PHACTR1: variants seen among roughly 807,000 people sequenced by gnomAD.
PHACTR1 encodes phosphatase and actin regulator 1, also known as RPEL repeat containing 1.
Under a neutral mutation model 69.2 loss-of-function variants are expected in PHACTR1, and 16 were observed. The observed-to-expected ratio is 0.23, with a 90% CI of 0.16 to 0.35. The LOEUF (loss-of-function observed/expected upper bound fraction) is 0.35, where lower values mean the gene tolerates loss of function less well. Among genes scored for constraint, PHACTR1 ranks in the 10% least tolerant of loss-of-function variants. PHACTR1 has a pLI of 1.00. For missense variants in PHACTR1, 510 were observed against 734.7 expected (o/e 0.69, Z 3.54); for synonymous variants, 312 against 284.5 (o/e 1.10, Z -0.97).
At chr6:13,141,828 G>GT (rs541976560) in intron 5 of PHACTR1, among the ~76,000 whole-genome samples, 195 of 139,178 alleles carry the variant, frequency 1.4e-3, no homozygotes, top group Middle Eastern at 0.014. Context: ...TTCTGGGATT[G>GT]TTTTTTTCCA....
At chr6:13,093,041 G>T (rs1813542680) in intron 5 of PHACTR1, among the ~76,000 whole-genome samples, 1 of 152,218 alleles carries the variant, frequency 6.6e-6, no homozygotes, top group East Asian at 1.9e-4. Context: ...GTTTGTGTCT[G>T]TCAGTGACAA....
chr6:12,816,125 G>A (rs2127703070), intron 4 of PHACTR1, among the ~76,000 whole-genome samples: 1 of 152,280 alleles, frequency 6.6e-6, no homozygotes, highest in East Asian at 1.9e-4. Flanking sequence ...AAATGGCTCT[G>A]GATTGGAACT....
At chr6:13,165,288 A>G (rs1292330813) in intron 6 of PHACTR1, among the ~76,000 whole-genome samples, 2 of 152,262 alleles carry the variant, frequency 1.3e-5, no homozygotes, top group Non-Finnish European at 2.9e-5. Context: ...AAAATAATCT[A>G]TAGTTCGACA....
intron 10 of PHACTR1, among the ~76,000 whole-genome samples, chr6:13,260,509 G>A (rs962491211): frequency 6.6e-6 from 1 of 152,132 alleles, no homozygotes; most frequent in Non-Finnish European, 1.5e-5. Flanking sequence ...CTTCTCCTCT[G>A]CCCCTTCTTA....
At chr6:13,227,655 G>A (rs944467999) in intron 8 of PHACTR1, among the ~76,000 whole-genome samples, 161 bp from the exon 9 acceptor site, 3 of 152,268 alleles carry the variant, frequency 2.0e-5, no homozygotes, top group Admixed American at 6.5e-5. Context: ...ACACCGTGCC[G>A]TCTTAAAGTG....
rs80048929 is a variant in PHACTR1, at chr6:12,865,119, C to T, written c.250+115329C>T. 6.6e-5 allele frequency among the ~76,000 whole-genome samples: 10 copies of T among 152,230 alleles called. No individual in the cohort carries two copies. The East Asian group carries it at 1.9e-3, about 29-fold the overall frequency. ...CCCCAACTTTTAAAATGGGAAGTTC[C>T]TCATCCCAGGAAAACCCCCAGTCCC... On this transcript the variant is annotated intron_variant, in intron 4 of 14. Coordinates refer to ENST00000332995, the MANE Select transcript of PHACTR1 (RefSeq NM_030948.6).
In PHACTR1 at chr6:13,181,369, C is replaced by G. The variant is rs370839682; in HGVS notation, c.497-1150C>G. ...TGTCATCTTGCTTCTGGTTTTAAGT[C>G]GGATAATTGCTCTGCTGGTTTCTGT... On this transcript the variant is annotated intron_variant, in intron 6 of 14. Transcript: ENST00000332995. Among the ~76,000 whole-genome samples the G allele has an allele frequency of 6.6e-5, 10 of 152,274 alleles. No homozygotes were observed. In the East Asian group the frequency reaches 1.3e-3, roughly 21 times the overall value.
intron 3 of PHACTR1, among the ~76,000 whole-genome samples, chr6:12,737,398 TACACACAC>T (rs3071780): frequency 2.7e-5 from 4 of 149,376 alleles, no homozygotes; most frequent in African/African-American, 4.9e-5. Flanking sequence ...TATTGTTTTA[TACACACAC>T]ACACACACAC....
intron 5 of PHACTR1, among the ~76,000 whole-genome samples, chr6:13,107,818 A>T (rs950433207): frequency 2.6e-5 from 4 of 152,256 alleles, no homozygotes; most frequent in African/African-American, 9.6e-5. Flanking sequence ...TTTCAAAGAC[A>T]CACCCTTTAG....
At chr6:12,960,100 AC>A (rs552577839) in intron 4 of PHACTR1, among the ~76,000 whole-genome samples, 35 of 152,202 alleles carry the variant, frequency 2.3e-4, no homozygotes, top group South Asian at 1.4e-3. Flanking sequence ...CAATTCTGCT[AC>A]CTTTTCAGTG....
intron 5 of PHACTR1, among the ~76,000 whole-genome samples, chr6:13,100,146 T>TA (rs1814916934): frequency 6.6e-6 from 1 of 152,132 alleles, no homozygotes; most frequent in Non-Finnish European, 1.5e-5. Flanking sequence ...AATCAAAAGA[T>TA]AGATTCACAA....
chr6:12,829,656 A>G (rs1358481561), intron 4 of PHACTR1, among the ~76,000 whole-genome samples: 1 of 152,010 alleles, frequency 6.6e-6, no homozygotes, highest in Admixed American at 6.6e-5. Context: ...TGAAGAAAAG[A>G]TAATAAAAGA....
Position 13,009,411 on chromosome 6 carries a change from C to A in PHACTR1, c.251-43954C>A, listed in dbSNP as rs59715377. On this transcript the variant is annotated intron_variant, in intron 4 of 14. Coordinates refer to ENST00000332995, the MANE Select transcript of PHACTR1 (RefSeq NM_030948.6). ...AGGAAAAGAAGATTTTTATAAAAAT[C>A]TTTTCTTACATTAAATATGTATAGT... is the stretch of plus-strand genomic sequence containing the variant. 1.1e-3 allele frequency among the ~76,000 whole-genome samples: 167 copies of A among 152,192 alleles called. 3 individuals carry two copies. In the East Asian group the frequency reaches 0.03, roughly 27 times the overall value.
rs149131229 is a variant in PHACTR1, at chr6:12,795,934, C to A, written c.250+46144C>A. On this transcript the variant is annotated intron_variant, in intron 4 of 14. Coordinates refer to ENST00000332995, the MANE Select transcript of PHACTR1 (RefSeq NM_030948.6). ...AATTTCTTAAAGACCCTTGGCCTTT[C>A]AGTAAATTTAAGTAAATAAAGAATT... Among the ~76,000 whole-genome samples the A allele has an allele frequency of 2.8e-3, 433 of 152,068 alleles. 1 individual carries two copies. Among genetic ancestry groups the A allele is most frequent in the Non-Finnish European group, 5.0e-3 (339 of 67,990 alleles).
chr6:12,830,839 AC>A lies in PHACTR1; in HGVS notation c.250+81052del, dbSNP rs539824071. ...TCGAACTCCCAACCTCAGGTGATCC[AC>A]CCGTCTCGGCCTCCCAAAGTGCTGG... On this transcript the variant is annotated intron_variant, in intron 4 of 14. Transcript: ENST00000332995. Among the ~76,000 whole-genome samples the A allele has an allele frequency of 1.5e-4, 23 of 151,560 alleles. No homozygotes were observed. The South Asian group carries it at 4.2e-3, about 28-fold the overall frequency.
chr6:12,832,408 T>C (rs1777679661), intron 4 of PHACTR1, among the ~76,000 whole-genome samples: 1 of 152,110 alleles, frequency 6.6e-6, no homozygotes, highest in Non-Finnish European at 1.5e-5. Context: ...TGTCACACAG[T>C]AGCATGAAAA....
intron 5 of PHACTR1, among the ~76,000 whole-genome samples, chr6:13,064,614 C>A (rs4574637): frequency 0.23 from 1,114 of 4,808 alleles, 279 homozygotes; most frequent in East Asian, 0.34. Context: ...ATCTATATAT[C>A]TATCTATCCA....
intron 10 of PHACTR1, among the ~76,000 whole-genome samples, chr6:13,231,250 AAG>A (rs1311580184): frequency 1.5e-5 from 2 of 135,110 alleles, no homozygotes; most frequent in South Asian, 5.2e-4. Flanking sequence ...GAAAGAAGGA[AAG>A]AGAAAGAAAG....
chr6:13,200,762 C>A (rs1205694499), intron 7 of PHACTR1, among the ~76,000 whole-genome samples: 1 of 150,778 alleles, frequency 6.6e-6, no homozygotes, highest in Admixed American at 6.6e-5. Flanking sequence ...GGTGAAACCC[C>A]ATCTCTACTA....
Sources: gnomAD v4.1 joint callset for allele counts (sites outside exome capture counted in the v4.1 genomes callset) on GRCh38, gnomAD v4.1.1 for gene constraint, MANE v1.5 for transcripts, NCBI Gene and HGNC (gene_info 2026-07-23, HGNC 2026-07-21) for gene names.